The following HABP2 variants were observed in gnomAD, a reference collection of about 807,000 sequenced individuals.
HABP2 encodes the protein hyaluronan binding protein 2, also known as factor VII-activating protease.
HABP2 carries 65 observed loss-of-function variants against 66.5 expected under a neutral mutation model. The ratio of observed to expected loss-of-function variants is 0.98; its 90% CI spans 0.80 to 1.20. The LOEUF (loss-of-function observed/expected upper bound fraction) is 1.20. Among genes scored for constraint, HABP2 ranks in the 50% most tolerant of loss-of-function variants. HABP2 has a pLI of 0.00. For synonymous variants in HABP2, 263 were observed against 253.9 expected, an observed-to-expected ratio of 1.04 and a Z score of -0.34; for missense variants, 786 against 691.0, an observed-to-expected ratio of 1.14 and a Z score of -1.54.
At chr10:113,554,308 C>T (rs1206536903) in intron 1 of HABP2, among the ~76,000 whole-genome samples, 1 of 152,222 alleles carries the variant, frequency 6.6e-6, no homozygotes. Flanking sequence ...CATAACCTCT[C>T]TGTCTTATTA....
Position 113,580,063 on chromosome 10 carries a change from AG to A in HABP2, c.741-531del, listed in dbSNP as rs758063473. Among the ~76,000 whole-genome samples, 7 of 151,070 alleles carry A rather than the reference AG, an allele frequency of 4.6e-5. No homozygotes were observed. The East Asian group carries it at 1.4e-3, about 30-fold the overall frequency. ...CCAAAGTGCTGGGATTACAGGCATG[AG>A]CCACTGCACCCGGCCATGAAGATTT... is the stretch of plus-strand genomic sequence containing the variant. On this transcript the variant is annotated intron_variant, in intron 7 of 12. Transcript: ENST00000351270.
rs369127306 is a variant in HABP2, at chr10:113,575,957, T to C, written c.284T>C (p.Phe95Ser). Residue 95 changes from phenylalanine to serine, a missense_variant, in exon 4 of 13, where the codon TTC (phenylalanine) becomes TCC (serine). By Grantham distance (155) the Phe-to-Ser change is radical (BLOSUM62 -2). Coordinates refer to ENST00000351270, the MANE Select transcript of HABP2 (RefSeq NM_004132.5). ...GGDCLVHGST[F>S]TCSCLAPFSG... ...GACTGCCTCGTCCATGGGAGCACCT[T>C]CACATGCAGCTGCCTGGCTCCTTTC... 2 of 1,612,318 alleles carry C rather than the reference T, an allele frequency of 1.2e-6. No homozygotes were observed. The highest frequency in any genetic ancestry group is 1.7e-6 in the Non-Finnish European group (2 of 1,178,346).
intron 1 of HABP2, among the ~76,000 whole-genome samples, chr10:113,562,714 G>A (rs1845122529): frequency 6.6e-6 from 1 of 152,190 alleles, no homozygotes; most frequent in Admixed American, 6.5e-5. Context: ...CAAAGTGTTG[G>A]GATTACAGGC....
At chr10:113,551,210 A>G (rs1565092798), upstream of HABP2, among the ~76,000 whole-genome samples, 1 of 152,352 alleles carries the variant, frequency 6.6e-6, no homozygotes, top group South Asian at 2.1e-4. Flanking sequence ...CAAGGATTCA[A>G]TGGTGATTGA....
intron 8 of HABP2, among the ~76,000 whole-genome samples, chr10:113,581,487 A>T (rs11575769): frequency 3.9e-5 from 6 of 152,168 alleles, no homozygotes; most frequent in African/African-American, 1.4e-4. Context: ...CACAATTGTA[A>T]GTGTGCACTA....
At position 113,584,196 on chromosome 10, in the gene HABP2, A is replaced by C. The variant is rs774625362; in HGVS notation, c.1286A>C (p.Lys429Thr). ...GATGGTCACTGTGCTCTAGAATCCAAATACGTGAAGACTGTGTGCTTGCCT... is the reference window on the plus strand; with the variant it reads ...GATGGTCACTGTGCTCTAGAATCCACATACGTGAAGACTGTGTGCTTGCCT... ...PVDGHCALESKYVKTVCLPDG... is the reference protein window; with the variant it reads ...PVDGHCALESTYVKTVCLPDG... The change falls in exon 11 of 13, where the codon AAA becomes ACA. Residue 429 changes from lysine to threonine, a missense_variant. Coordinates refer to ENST00000351270, the MANE Select transcript of HABP2 (RefSeq NM_004132.5). The C allele has an allele frequency of 1.2e-6, 2 of 1,613,556 alleles. No homozygotes were observed. Among genetic ancestry groups the C allele is most frequent in the Non-Finnish European group, 1.7e-6 (2 of 1,179,476 alleles).
At chr10:113,576,783 A>T (rs1845419443) in intron 4 of HABP2, among the ~76,000 whole-genome samples, 1 of 152,198 alleles carries the variant, frequency 6.6e-6, no homozygotes, top group Non-Finnish European at 1.5e-5. Flanking sequence ...TCGAGTATAA[A>T]CACAGTGTCT....
chr10:113,589,596 A>C lies in HABP2; in HGVS notation c.*1227A>C. 1 of 1,549,106 alleles carries C rather than the reference A, an allele frequency of 6.5e-7. No individual in the cohort carries two copies. The highest frequency in any genetic ancestry group is 8.7e-7 in the Non-Finnish European group (1 of 1,149,226). On this transcript the variant is annotated 3_prime_UTR_variant, in exon 13 of 13. Transcript: ENST00000351270. ...ACCTTTGGCCAAAAATAAACTTTGA[A>C]AAGAAACAATGAGTTTGTCTTTCCC...
chr10:113,589,317 A>T lies in HABP2; in HGVS notation c.*948A>T. ...TCTTCTGAACAAAGTAGGGTTCAAAATGCAGACTGTCATATCCAGCGAGTC... is the reference window on the plus strand; with the variant it reads ...TCTTCTGAACAAAGTAGGGTTCAAATTGCAGACTGTCATATCCAGCGAGTC... On this transcript the variant is annotated 3_prime_UTR_variant, in exon 13 of 13. Coordinates refer to ENST00000351270, the MANE Select transcript of HABP2 (RefSeq NM_004132.5). 1 of 574,654 alleles carries T rather than the reference A, an allele frequency of 1.7e-6. No individual in the cohort carries two copies. Among genetic ancestry groups the T allele is most frequent in the Admixed American group, 3.2e-5 (1 of 31,182 alleles). 35.6% of individuals were successfully genotyped at this position (574,654 alleles called of 1,614,324 possible).
intron 10 of HABP2, among the ~76,000 whole-genome samples, chr10:113,583,676 A>G (rs957461779): frequency 6.6e-6 from 1 of 152,136 alleles, no homozygotes; most frequent in Non-Finnish European, 1.5e-5. Context: ...TTTCTCTTCT[A>G]TGAAATGGAA....
chr10:113,584,903 T>A (rs1845604713), intron 11 of HABP2, among the ~76,000 whole-genome samples: 1 of 152,240 alleles, frequency 6.6e-6, no homozygotes, highest in Non-Finnish European at 1.5e-5. Context: ...AACCAAAGGA[T>A]TACTTTCCTC....
At chr10:113,577,598 C>T (rs1046550150) in intron 5 of HABP2, among the ~76,000 whole-genome samples, 4 of 152,214 alleles carry the variant, frequency 2.6e-5, no homozygotes, top group South Asian at 2.1e-4. Context: ...AGGAAATTTA[C>T]GTTCTCTTTT....
At chr10:113,576,564 G>A (rs541293499) in intron 4 of HABP2, among the ~76,000 whole-genome samples, 2 of 152,292 alleles carry the variant, frequency 1.3e-5, no homozygotes, top group South Asian at 4.2e-4. Flanking sequence ...AAAGCATCAG[G>A]AATAGGACTC....
intron 1 of HABP2, among the ~76,000 whole-genome samples, chr10:113,554,622 A>G (rs1844957793): frequency 6.6e-6 from 1 of 152,198 alleles, no homozygotes; most frequent in Admixed American, 6.5e-5. Flanking sequence ...CAGAAATACC[A>G]CAGGTCTAGA....
chr10:113,556,455 C>G (rs948199761), intron 1 of HABP2, among the ~76,000 whole-genome samples: 2 of 152,148 alleles, frequency 1.3e-5, no homozygotes, highest in African/African-American at 4.8e-5. Flanking sequence ...TAGCTCATGC[C>G]TGTAATCCCA....
intron 1 of HABP2, among the ~76,000 whole-genome samples, chr10:113,555,504 C>G (rs1341997650): frequency 6.6e-6 from 1 of 152,160 alleles, no homozygotes; most frequent in African/African-American, 2.4e-5. Context: ...TCTGTGGTCA[C>G]TATTCATTGG....
chr10:113,574,545 CT>C (rs11575745), intron 3 of HABP2, 140 bp downstream of exon 3: 4 of 577,712 alleles, frequency 6.9e-6, no homozygotes, highest in African/African-American at 3.8e-5. Context: ...TTTGGACTGG[CT>C]TTTTTTTCTG....
At chr10:113,565,027 T>C (rs918424428) in intron 1 of HABP2, among the ~76,000 whole-genome samples, 4 of 152,192 alleles carry the variant, frequency 2.6e-5, no homozygotes, top group Non-Finnish European at 5.9e-5. Context: ...TTTGTACTTT[T>C]AGTGGAGACG....
chr10:113,567,104 G>A (rs559530965), intron 1 of HABP2, among the ~76,000 whole-genome samples: 1 of 152,232 alleles, frequency 6.6e-6, no homozygotes, highest in Admixed American at 6.5e-5. Context: ...GCTGATGCAA[G>A]CCTCTTCATA....
Sources: gnomAD v4.1 joint callset for allele counts (sites outside exome capture counted in the v4.1 genomes callset) on GRCh38, gnomAD v4.1.1 for gene constraint, MANE v1.5 for transcripts, NCBI Gene and HGNC (gene_info 2026-07-23, HGNC 2026-07-21) for gene names.